Variants in SYTL3 observed in about 807,000 individuals in gnomAD.
SYTL3 encodes synaptotagmin-like protein 3.
In SYTL3, 88 loss-of-function variants were observed where a neutral mutation model predicts 82.1. The observed-to-expected ratio is 1.07, with a 90% CI of 0.90 to 1.28. The LOEUF is 1.28. Ranked by LOEUF, SYTL3 falls within the 50% of genes most tolerant of loss-of-function variation. The pLI is 0.00. For missense variants in SYTL3, 831 were observed against 757.6 expected (o/e 1.10, Z -1.14); for synonymous variants, 311 against 289.4 (o/e 1.07, Z -0.76).
chr6:158,713,982 C>T, intron 9 of SYTL3, 104 bp downstream of exon 9: 1 of 806,240 alleles, frequency 1.2e-6, no homozygotes, highest in Non-Finnish European at 2.1e-6. Context: ...TCCCTCAGGC[C>T]ACTCACTTTG....
At chr6:158,749,298 T>C (rs1583470499) in intron 12 of SYTL3, among the ~76,000 whole-genome samples, 1 of 134,904 alleles carries the variant, frequency 7.4e-6, no homozygotes, top group African/African-American at 2.9e-5. Context: ...GAGGCTGAGG[T>C]GGGAGAATCA....
chr6:158,693,429 C>G (rs534625924), intron 6 of SYTL3, among the ~76,000 whole-genome samples: 2 of 152,280 alleles, frequency 1.3e-5, no homozygotes, highest in Admixed American at 1.3e-4. Context: ...ACTCTGTCAC[C>G]CAGGCTGGAG....
intron 4 of SYTL3, among the ~76,000 whole-genome samples, chr6:158,663,833 G>A (rs1273091045): frequency 6.6e-6 from 1 of 152,102 alleles, no homozygotes; most frequent in Admixed American, 6.6e-5. Context: ...ATCCAGCCCT[G>A]TCTTTTTTTC....
Position 158,763,403 on chromosome 6 carries a change from C to T in SYTL3, c.1617C>T (p.Gly539=), listed in dbSNP as rs140709967. The change falls in exon 17 of 18, where the codon GGC becomes GGT. Residue 539 remains glycine (G), a synonymous_variant. Transcript: ENST00000611299. ...GGAAACACTCATTTGTCTTCAGTGG[C>T]GTAACCCCAGCTCAGCTGAGGCAGT... ...PQWKHSFVFS[G]VTPAQLRQSS... 1.4e-4 allele frequency: 231 copies of T among 1,614,188 alleles called. 1 individual carries two copies. In the African/African-American group the frequency reaches 2.2e-3, roughly 15 times the overall value.
chr6:158,660,213 C>G (rs529518588), intron 2 of SYTL3, among the ~76,000 whole-genome samples: 1 of 151,992 alleles, frequency 6.6e-6, no homozygotes, highest in Non-Finnish European at 1.5e-5. Context: ...TGCAGTGAGC[C>G]GAGATCGCAC....
At chr6:158,721,670 T>C (rs139185532) in intron 10 of SYTL3, among the ~76,000 whole-genome samples, 149 of 152,334 alleles carry the variant, frequency 9.8e-4, no homozygotes, top group Non-Finnish European at 1.8e-3. Flanking sequence ...TCTCATTCTG[T>C]TGCCCAGGCT....
At chr6:158,648,605 A>AT (rs1362530812), upstream of SYTL3, among the ~76,000 whole-genome samples, 2,975 of 104,592 alleles carry the variant, frequency 0.028, 65 homozygotes, top group East Asian at 0.11. Context: ...AAAAAAAAAA[A>AT]AAAATAATAA....
chr6:158,645,369 A>G (rs529077409), upstream of SYTL3, among the ~76,000 whole-genome samples: 1 of 152,288 alleles, frequency 6.6e-6, no homozygotes, highest in Admixed American at 6.5e-5. Context: ...TGGGTTCTTT[A>G]TGGAAATTAG....
intron 9 of SYTL3, among the ~76,000 whole-genome samples, chr6:158,715,627 A>ACACACACACACACGCAT: frequency 8.2e-6 from 1 of 122,508 alleles, no homozygotes; most frequent in Non-Finnish European, 1.6e-5. Flanking sequence ...GCACGCACCC[A>ACACACACACACACGCAT]GCACCCCCCA....
intron 5 of SYTL3, among the ~76,000 whole-genome samples, chr6:158,678,394 A>G (rs1230589509): frequency 6.6e-6 from 1 of 152,206 alleles, no homozygotes; most frequent in Non-Finnish European, 1.5e-5. Context: ...TTCTTGGAAC[A>G]TACAGTGTAG....
chr6:158,729,868 C>T (rs747358884), intron 11 of SYTL3, among the ~76,000 whole-genome samples: 3 of 135,516 alleles, frequency 2.2e-5, no homozygotes, highest in Non-Finnish European at 3.2e-5. Context: ...ACCCGGCCAA[C>T]GTTTTTTTTT....
intron 6 of SYTL3, among the ~76,000 whole-genome samples, chr6:158,688,531 A>G (rs1327101176): frequency 6.6e-6 from 1 of 152,292 alleles, no homozygotes; most frequent in Non-Finnish European, 1.5e-5. Context: ...GGGAGGTCAA[A>G]GCAGGAGGAT....
chr6:158,652,291 A>G (rs1457073781), intron 2 of SYTL3, among the ~76,000 whole-genome samples: 1 of 151,904 alleles, frequency 6.6e-6, no homozygotes, highest in African/African-American at 2.4e-5. Flanking sequence ...TCTGTTGCCC[A>G]GGCTAGAGTG....
rs553680618 is a variant in SYTL3 at position 158,731,067 on chromosome 6, G to A, written c.855+5430G>A. Among the ~76,000 whole-genome samples the A allele has an allele frequency of 7.7e-4, 117 of 151,930 alleles. 1 individual carries two copies. The highest frequency in any genetic ancestry group is 6.8e-3 in the Middle Eastern group (2 of 292). On this transcript the variant is annotated intron_variant, in intron 11 of 17. Coordinates refer to ENST00000611299, the MANE Select transcript of SYTL3 (RefSeq NM_001242394.2). The stretch of plus-strand genomic sequence containing the variant: ...TGGGAGGCTGAGGCAGGTGGATCAC[G>A]AGGTCAGGAGATCGAGACCATCCTG...
chr6:158,720,958 G>T (rs1022369818), intron 10 of SYTL3, among the ~76,000 whole-genome samples: 1 of 152,144 alleles, frequency 6.6e-6, no homozygotes, highest in Non-Finnish European at 1.5e-5. Context: ...TGGCCCGTGG[G>T]TCCTCGGCAC....
At chr6:158,725,658 CTTTTTTTGTTTT>C (rs1562428248) in intron 11 of SYTL3, 21 bp downstream of exon 11, 2 of 1,599,116 alleles carry the variant, frequency 1.3e-6, no homozygotes, top group Non-Finnish European at 1.7e-6. Flanking sequence ...TTCCAATGCT[CTTTTTTTGTTTT>C]TTTGTTTTTT....
intron 11 of SYTL3, among the ~76,000 whole-genome samples, chr6:158,740,828 A>G (rs1431767847): frequency 3.3e-5 from 5 of 152,220 alleles, no homozygotes; most frequent in Admixed American, 3.3e-4. Flanking sequence ...TAATAAAAGT[A>G]GGATCCATTA....
chr6:158,687,642 C>T (rs1175752820), intron 6 of SYTL3, among the ~76,000 whole-genome samples: 1 of 152,212 alleles, frequency 6.6e-6, no homozygotes, highest in African/African-American at 2.4e-5. Flanking sequence ...GTTCCTCATT[C>T]TGCCGCTACA....
chr6:158,736,694 A>G (rs1786218238), intron 11 of SYTL3, among the ~76,000 whole-genome samples: 1 of 151,598 alleles, frequency 6.6e-6, no homozygotes, highest in East Asian at 1.9e-4. Context: ...AGGCTGAGGC[A>G]GGAGAAATGC....
Sources: gnomAD v4.1 joint callset for allele counts (sites outside exome capture counted in the v4.1 genomes callset) on GRCh38, gnomAD v4.1.1 for gene constraint, MANE v1.5 for transcripts, NCBI Gene and HGNC (gene_info 2026-07-23, HGNC 2026-07-21) for gene names.